ASXL2: variants seen among roughly 807,000 people sequenced by gnomAD.
The protein encoded by ASXL2 is putative Polycomb group protein ASXL2.
A neutral mutation model predicts 122.0 loss-of-function variants in ASXL2; 23 were observed. The observed-to-expected ratio is 0.19, with a 90% CI of 0.14 to 0.27. ASXL2 has a LOEUF of 0.27. ASXL2 is among the 10% of genes least tolerant of loss of function. The pLI, the probability that ASXL2 is intolerant of heterozygous loss-of-function variation, is 1.00. For missense variants in ASXL2, 1,518 were observed against 1,713.8 expected, an observed-to-expected ratio of 0.89 and a Z score of 2.02; for synonymous variants, 650 against 637.0, an observed-to-expected ratio of 1.02 and a Z score of -0.31.
intron 3 of ASXL2, among the ~76,000 whole-genome samples, chr2:25,823,330 TA>T (rs1298054911): frequency 2.6e-5 from 4 of 152,198 alleles, no homozygotes; most frequent in Non-Finnish European, 5.9e-5. Flanking sequence ...GAAAGAGAAC[TA>T]AATTTTAGAT....
intron 5 of ASXL2, among the ~76,000 whole-genome samples, chr2:25,776,227 G>C (rs2088544282): frequency 6.6e-6 from 1 of 152,036 alleles, no homozygotes; most frequent in Non-Finnish European, 1.5e-5. Context: ...CTATAAATTT[G>C]CCTCTTAGGG....
chr2:25,742,297 C>T lies in ASXL2; in HGVS notation c.4040G>A (p.Gly1347Asp). ...SDMDHNSAVPGSQVSSNVGDV... is the reference protein window; with the variant it reads ...SDMDHNSAVPDSQVSSNVGDV... ...ACCTACATTGCTAGATACCTGGCTA[C>T]CTGGTACAGCAGAGTTATGGTCCAT... is the stretch of plus-strand genomic sequence containing the variant. The change falls in exon 13 of 13, where the codon GGT (glycine) becomes GAT (aspartate). Residue 1347 changes from glycine to aspartate, a missense_variant. Gly to Asp is a moderately conservative substitution (Grantham distance 94). This residue lies in a region of ASXL2 where 831 missense variants were observed against 833.1 expected (regional missense o/e 1.00). Transcript: ENST00000435504. The T allele has an allele frequency of 6.2e-7, 1 of 1,613,948 alleles. No homozygotes were observed. The highest frequency in any genetic ancestry group is 1.1e-5 in the South Asian group (1 of 91,086).
chr2:25,825,877 A>T (rs1340162651), intron 3 of ASXL2, among the ~76,000 whole-genome samples: 1 of 152,204 alleles, frequency 6.6e-6, no homozygotes, highest in Admixed American at 6.5e-5. Flanking sequence ...CAGTTTACAC[A>T]ACTCTCTCTC....
Position 25,743,502 on chromosome 2 carries a change from A to C in ASXL2, c.2835T>G (p.Ser945Arg), listed in dbSNP as rs973361064. 7 of 1,613,936 alleles carry C rather than the reference A, an allele frequency of 4.3e-6. No individual in the cohort carries two copies. The highest frequency in any genetic ancestry group is 5.9e-6 in the Non-Finnish European group (7 of 1,179,894). ...MNGPTLRPTSSIPANNPLVTQ... is the reference protein window; with the variant it reads ...MNGPTLRPTSRIPANNPLVTQ... ...TCACTAAAGGATTATTAGCAGGGAT[A>C]CTAGAGGTTGGTCTTAAAGTGGGTC... The change falls in exon 13 of 13, where the codon AGT (serine) becomes AGG (arginine). Residue 945 changes from serine to arginine, a missense_variant. By Grantham distance (110) the Ser-to-Arg change is moderately radical. Coordinates refer to ENST00000435504, the MANE Select transcript of ASXL2 (RefSeq NM_018263.6).
chr2:25,802,048 C>G (rs1042480480), intron 4 of ASXL2, among the ~76,000 whole-genome samples: 1 of 152,192 alleles, frequency 6.6e-6, no homozygotes, highest in Non-Finnish European at 1.5e-5. Context: ...ATGGTCTAAT[C>G]ACTCCAATTT....
At chr2:25,785,757 G>A (rs1003240487) in intron 5 of ASXL2, among the ~76,000 whole-genome samples, 10 of 151,860 alleles carry the variant, frequency 6.6e-5, no homozygotes, top group Admixed American at 2.0e-4. Flanking sequence ...ATGTTGGCCA[G>A]GCTGAGTCTC....
At chr2:25,781,275 T>C (rs2088632361) in intron 5 of ASXL2, among the ~76,000 whole-genome samples, 1 of 152,120 alleles carries the variant, frequency 6.6e-6, no homozygotes, top group Non-Finnish European at 1.5e-5. Flanking sequence ...GGCTCACGCC[T>C]GTAATCCCAA....
At chr2:25,820,614 C>G (rs571670100) in intron 3 of ASXL2, among the ~76,000 whole-genome samples, 1 of 152,240 alleles carries the variant, frequency 6.6e-6, no homozygotes, top group South Asian at 2.1e-4. Context: ...CAGCATTACC[C>G]GTATCCAGTA....
intron 3 of ASXL2, among the ~76,000 whole-genome samples, chr2:25,806,836 T>TA (rs1202012394): frequency 3.9e-5 from 6 of 152,124 alleles, no homozygotes; most frequent in African/African-American, 1.4e-4. Flanking sequence ...TCTGAATATT[T>TA]ATATGTAGCA....
intron 4 of ASXL2, among the ~76,000 whole-genome samples, chr2:25,803,982 T>C (rs2089038813): frequency 6.6e-6 from 1 of 151,504 alleles, no homozygotes; most frequent in Non-Finnish European, 1.5e-5. Flanking sequence ...GAAAACACTT[T>C]GGTTTTTTTT....
chr2:25,742,488 A>G lies in ASXL2; in HGVS notation c.3849T>C (p.Arg1283=), dbSNP rs757459663. The change falls in exon 13 of 13, where the codon CGT becomes CGC. Residue 1283 remains arginine, a synonymous_variant. Coordinates refer to ENST00000435504, the MANE Select transcript of ASXL2 (RefSeq NM_018263.6). ...MAHAVRGKAI[R]SSPELFSSTV... ...TAGAACTGAAAAGCTCGGGGCTGCT[A>G]CGGATTGCCTTACCTCTCACTGCAT... 1.7e-5 allele frequency: 27 copies of G among 1,613,876 alleles called. No homozygotes were observed. The Middle Eastern group carries it at 2.6e-3, about 158-fold the overall frequency.
At chr2:25,810,044 G>A (rs1448417988) in intron 3 of ASXL2, 7 of 551,902 alleles carry the variant, frequency 1.3e-5, no homozygotes, top group South Asian at 2.7e-5. Flanking sequence ...CTTGGCTACC[G>A]ATCTCTCAGC....
intron 10 of ASXL2, among the ~76,000 whole-genome samples, chr2:25,755,162 A>G (rs989062737): frequency 2.6e-5 from 4 of 152,268 alleles, no homozygotes; most frequent in Admixed American, 6.5e-5. Flanking sequence ...CAGATGTAAT[A>G]AAAATAATTC....
intron 1 of ASXL2, among the ~76,000 whole-genome samples, chr2:25,874,343 G>A (rs1211315706): frequency 6.6e-6 from 1 of 152,112 alleles, no homozygotes; most frequent in Non-Finnish European, 1.5e-5. Flanking sequence ...TAAAAAATCA[G>A]CCAGGTATGG....
At chr2:25,835,508 A>G (rs1263463883) in intron 3 of ASXL2, 30 bp downstream of exon 3, 2 of 278,602 alleles carry the variant, frequency 7.2e-6, no homozygotes, top group Admixed American at 7.8e-5. Context: ...ATTGCATAAT[A>G]CTTCTTTAGA....
intron 1 of ASXL2, among the ~76,000 whole-genome samples, chr2:25,846,667 T>A (rs1171697897): frequency 6.9e-6 from 1 of 144,760 alleles, no homozygotes; most frequent in Non-Finnish European, 1.5e-5. Context: ...AAAAAAAAAA[T>A]TAGCAGGGCA....
chr2:25,823,603 C>T (rs62127718), intron 3 of ASXL2, among the ~76,000 whole-genome samples: 5,120 of 152,150 alleles, frequency 0.034, 121 homozygotes, highest in Non-Finnish European at 0.043. Context: ...TCTCTTAGCA[C>T]GGAAGATGAA....
In ASXL2 at chr2:25,734,503, T is replaced by C. The variant is rs1421395875; in HGVS notation, c.*7526A>G. Reference sequence around the variant, plus strand: ...CATTAGATTCTGTTTTTTAAAAGAATGTAAAATTTTATGTATGATACTTTC... The same window carrying C: ...CATTAGATTCTGTTTTTTAAAAGAACGTAAAATTTTATGTATGATACTTTC... On this transcript the variant is annotated 3_prime_UTR_variant, in exon 13 of 13. Transcript: ENST00000435504. 2 of 152,220 alleles carry C rather than the reference T, an allele frequency of 1.3e-5. No homozygotes were observed. Among genetic ancestry groups the C allele is most frequent in the East Asian group, 1.9e-4 (1 of 5,204 alleles). The allele number at this position is 152,220 out of a possible 1,614,324, so 9.4% of individuals were successfully genotyped here.
At chr2:25,830,859 AGCT>A (rs2089442466) in intron 3 of ASXL2, 1 of 152,212 alleles carries the variant, frequency 6.6e-6, no homozygotes, top group African/African-American at 2.4e-5. Context: ...AGAATCAGTG[AGCT>A]TAAGAACAGG....
Sources: allele counts gnomAD v4.1 joint callset (sites outside exome capture counted in the v4.1 genomes callset), GRCh38; gene constraint gnomAD v4.1.1; regional missense constraint gnomAD v4.1.1; transcripts MANE v1.5; gene names NCBI Gene and HGNC (gene_info 2026-07-23, HGNC 2026-07-21).